ADAMTS12: variants seen among roughly 807,000 people sequenced by gnomAD.
The protein encoded by ADAMTS12 is ADAM metallopeptidase with thrombospondin type 1 motif 12, also known as A disintegrin and metalloproteinase with thrombospondin motifs 12.
ADAMTS12 carries 118 observed loss-of-function variants against 167.8 expected under a neutral mutation model. The observed-to-expected ratio is 0.70, with a 90% confidence interval of 0.61 to 0.82. The LOEUF (loss-of-function observed/expected upper bound fraction) is 0.82. Among genes scored for constraint, ADAMTS12 ranks in the 40% least tolerant of loss-of-function variants. The pLI, the probability that ADAMTS12 is intolerant of heterozygous loss-of-function variation, is 0.00. For synonymous variants in ADAMTS12, 704 were observed against 716.9 expected (o/e 0.98, Z 0.29); for missense variants, 1,916 against 1,998.8 (o/e 0.96, Z 0.79).
intron 19 of ADAMTS12, among the ~76,000 whole-genome samples, chr5:33,575,059 C>T (rs981293413): frequency 3.3e-5 from 5 of 152,070 alleles, no homozygotes; most frequent in African/African-American, 1.2e-4. Flanking sequence ...AAGACAAATA[C>T]CTAGCCAAAT....
chr5:33,759,930 G>C (rs117377051), intron 2 of ADAMTS12, among the ~76,000 whole-genome samples: 2 of 152,152 alleles, frequency 1.3e-5, no homozygotes, highest in Admixed American at 1.3e-4. Context: ...AGAATAAGGC[G>C]TCAGGTGACC....
chr5:33,808,791 A>G (rs2112483459), intron 2 of ADAMTS12, among the ~76,000 whole-genome samples: 1 of 152,336 alleles, frequency 6.6e-6, no homozygotes, highest in South Asian at 2.1e-4. Context: ...GAAGAAACTG[A>G]GGCCCAAGGA....
At chr5:33,687,512 A>G (rs1391180810) in intron 3 of ADAMTS12, among the ~76,000 whole-genome samples, 1 of 152,274 alleles carries the variant, frequency 6.6e-6, no homozygotes, top group Non-Finnish European at 1.5e-5. Context: ...TCCTGAATAG[A>G]GACAAAGGAG....
Position 33,576,887 on chromosome 5 carries a change from C to A in ADAMTS12, c.3139G>T (p.Ala1047Ser). 4 of 1,614,156 alleles carry A rather than the reference C, an allele frequency of 2.5e-6. No individual in the cohort carries two copies. The highest frequency in any genetic ancestry group is 3.4e-6 in the Non-Finnish European group (4 of 1,180,012). ...GTGGTAGGACTAGGGCTGCTGATTG[C>A]TGGAGTGCTTGTGCTCATAGACTCA... ...GPESMSTSTP[A>S]ISSPSPTTAS... The change falls in exon 19 of 24, where the codon GCA (alanine) becomes TCA (serine). Residue 1047 changes from alanine to serine, a missense_variant. Transcript: ENST00000504830.
At chr5:33,735,357 G>T (rs1744334027) in intron 3 of ADAMTS12, among the ~76,000 whole-genome samples, 1 of 152,160 alleles carries the variant, frequency 6.6e-6, no homozygotes, top group South Asian at 2.1e-4. Context: ...GAGAACCAAT[G>T]GTCTAGACCA....
intron 18 of ADAMTS12, among the ~76,000 whole-genome samples, chr5:33,579,930 A>C (rs1050876168): frequency 7.9e-5 from 12 of 152,222 alleles, no homozygotes; most frequent in African/African-American, 2.7e-4. Flanking sequence ...GAATTGTCTC[A>C]ACAGGGAGGT....
chr5:33,588,637 G>C lies in ADAMTS12; in HGVS notation c.2827C>G (p.Leu943Val). The C allele has an allele frequency of 6.2e-7, 1 of 1,614,178 alleles. No individual in the cohort carries two copies. Among genetic ancestry groups the C allele is most frequent in the South Asian group, 1.1e-5 (1 of 91,082 alleles). The change falls in exon 18 of 24, where the codon CTG becomes GTG. Residue 943 changes from leucine (L) to valine (V), a missense_variant. Transcript: ENST00000504830. ...KTLLSCNRDILCPSDWTVGNW... is the reference protein window; with the variant it reads ...KTLLSCNRDIVCPSDWTVGNW... The stretch of plus-strand genomic sequence containing the variant: ...CCCACTGTCCAGTCCGAGGGGCACA[G>C]GATGTCTCTGTTGCAGGAAAGGAGG...
At chr5:33,864,860 G>C (rs1749755044) in intron 2 of ADAMTS12, among the ~76,000 whole-genome samples, 1 of 152,084 alleles carries the variant, frequency 6.6e-6, no homozygotes, top group Admixed American at 6.6e-5. Flanking sequence ...GCTAGGGAAG[G>C]GATAGCATTA....
At chr5:33,843,489 A>G (rs993757827) in intron 2 of ADAMTS12, among the ~76,000 whole-genome samples, 1 of 152,214 alleles carries the variant, frequency 6.6e-6, no homozygotes, top group Admixed American at 6.5e-5. Context: ...AGAAGAGAGC[A>G]GGGAATGGTA....
chr5:33,734,606 TG>T (rs1744304946), intron 3 of ADAMTS12, among the ~76,000 whole-genome samples: 1 of 152,206 alleles, frequency 6.6e-6, no homozygotes, highest in South Asian at 2.1e-4. Flanking sequence ...CCCCTGAGAA[TG>T]AATTTTACTA....
intron 2 of ADAMTS12, among the ~76,000 whole-genome samples, chr5:33,835,947 CTCTCTCTGTGTG>C (rs1446706256): frequency 3.1e-4 from 13 of 42,298 alleles, no homozygotes; most frequent in African/African-American, 1.0e-3. Flanking sequence ...CTCTCTCTCT[CTCTCTCTGTGTG>C]TGTGTGTGTG....
intron 2 of ADAMTS12, among the ~76,000 whole-genome samples, chr5:33,774,383 T>G (rs901167123): frequency 1.3e-5 from 2 of 152,164 alleles, no homozygotes; most frequent in African/African-American, 2.4e-5. Context: ...TATATATATG[T>G]GAACTACACT....
At chr5:33,544,073 T>C (rs1201152876) in intron 22 of ADAMTS12, among the ~76,000 whole-genome samples, 2 of 152,190 alleles carry the variant, frequency 1.3e-5, no homozygotes, top group Admixed American at 1.3e-4. Flanking sequence ...AGTCAAATTG[T>C]CCCTGTTTGC....
intron 16 of ADAMTS12, among the ~76,000 whole-genome samples, chr5:33,608,627 C>T (rs1387312390): frequency 1.3e-5 from 2 of 152,122 alleles, no homozygotes; most frequent in Non-Finnish European, 2.9e-5. Flanking sequence ...CGTGCAACTG[C>T]AGGAACAAGA....
intron 14 of ADAMTS12, among the ~76,000 whole-genome samples, chr5:33,620,307 C>G (rs1184516745): frequency 4.6e-5 from 7 of 152,180 alleles, no homozygotes; most frequent in African/African-American, 1.7e-4. Context: ...ACTAGTGGCA[C>G]TTTGTATGAA....
chr5:33,730,475 G>A (rs1009139286), intron 3 of ADAMTS12, among the ~76,000 whole-genome samples: 33 of 151,968 alleles, frequency 2.2e-4, no homozygotes, highest in African/African-American at 6.0e-4. Flanking sequence ...GTTCCTTTAC[G>A]TGGTTAAAAT....
At chr5:33,699,378 A>T (rs1200882107) in intron 3 of ADAMTS12, among the ~76,000 whole-genome samples, 1 of 151,920 alleles carries the variant, frequency 6.6e-6, no homozygotes, top group Non-Finnish European at 1.5e-5. Context: ...TTAAAAAAAA[A>T]ACCTTGACCT....
rs1400878726 is a variant in ADAMTS12 at position 33,743,212 on chromosome 5, G to A, written c.634+8192C>T. ...GGAGATGAGGTGGATGATAACAAGG[G>A]GTCACATCAGAATGCAGATTGAGCT... On this transcript the variant is annotated intron_variant, in intron 3 of 23. Transcript: ENST00000504830. 2.0e-5 allele frequency among the ~76,000 whole-genome samples: 3 copies of A among 152,286 alleles called. No individual in the cohort carries two copies. The East Asian group carries it at 5.8e-4, about 29-fold the overall frequency.
intron 3 of ADAMTS12, among the ~76,000 whole-genome samples, chr5:33,739,782 G>A (rs895883122): frequency 3.3e-5 from 5 of 152,158 alleles, no homozygotes; most frequent in Non-Finnish European, 7.3e-5. Flanking sequence ...CCTGTGCTCC[G>A]AAGTTTGTGG....
Sources: gnomAD v4.1 joint callset for allele counts (sites outside exome capture counted in the v4.1 genomes callset) on GRCh38, gnomAD v4.1.1 for gene constraint, MANE v1.5 for transcripts, NCBI Gene and HGNC (gene_info 2026-07-23, HGNC 2026-07-21) for gene names.